Variants in RASL10B observed in about 807,000 individuals in gnomAD.
RASL10B encodes ras-like protein family member 10B.
A neutral mutation model predicts 20.7 loss-of-function variants in RASL10B; 10 were observed. The ratio of observed to expected loss-of-function variants is 0.48; its 90% CI spans 0.30 to 0.82. RASL10B has a LOEUF of 0.82. RASL10B is among the 40% of genes least tolerant of loss of function. RASL10B has a pLI of 0.07. For missense variants in RASL10B, 231 were observed against 295.4 expected (o/e 0.78, Z 1.60); for synonymous variants, 110 against 123.3 (o/e 0.89, Z 0.72).
intron 3 of RASL10B, 142 bp downstream of exon 3, chr17:35,740,675 C>T (rs587609822): frequency 1.9e-6 from 2 of 1,068,456 alleles, no homozygotes; most frequent in East Asian, 2.5e-5. Context: ...AACATGCATA[C>T]ATTGTGCTGT....
At position 35,741,071 on chromosome 17, in the gene RASL10B, G is replaced by C. The variant is rs781993857; in HGVS notation, c.378G>C (p.Val126=). The C allele has an allele frequency of 1.9e-5, 30 of 1,609,308 alleles. No individual in the cohort carries two copies. Among genetic ancestry groups the C allele is most frequent in the Non-Finnish European group, 2.4e-5 (28 of 1,176,740 alleles). The change falls in exon 4 of 4, where the codon GTG becomes GTC. Residue 126 remains valine, a synonymous_variant. Coordinates refer to ENST00000603017, the MANE Select transcript of RASL10B (RefSeq NM_033315.4). ...IGTSETPIII[V]GNKRDLQRGR... is the part of the protein sequence containing the mutation. ...CCTCAGAGACGCCCATCATCATCGT[G>C]GGCAACAAGCGGGACCTGCAGCGCG...
In RASL10B at chr17:35,741,302, G is replaced by A; in HGVS notation, c.609G>A (p.Met203Ile). 1 of 1,488,048 alleles carries A rather than the reference G, an allele frequency of 6.7e-7. No homozygotes were observed. Among genetic ancestry groups the A allele is most frequent in the African/African-American group, 1.4e-5 (1 of 70,288 alleles). 92.2% of individuals were successfully genotyped at this position (1,488,048 alleles called of 1,614,324 possible). Reference protein sequence around the residue: ...GALRRNRCAIM With the variant: ...GALRRNRCAII ...TGCGCCGCAACCGCTGCGCCATCAT[G>A]TGACGCCTGCGCGCCCCTCGGGCTG... The change falls in exon 4 of 4, where the codon ATG becomes ATA. Residue 203 changes from methionine to isoleucine, a missense_variant. Transcript: ENST00000603017.
At chr17:35,736,467 A>G (rs906009226) in intron 2 of RASL10B, among the ~76,000 whole-genome samples, 1 of 152,228 alleles carries the variant, frequency 6.6e-6, no homozygotes, top group African/African-American at 2.4e-5. Flanking sequence ...TCTGCCGGAG[A>G]CACCTGTTCA....
Position 35,740,333 on chromosome 17 carries a change from T to G in RASL10B, c.217-76T>G. On this transcript the variant is annotated intron_variant, in intron 2 of 3. Transcript: ENST00000603017. ...CAGTGGCAGGTGAGAGCACTGCCCC[T>G]CTGATGGGAGGTGTTTGGGGGCTAG... is the stretch of plus-strand genomic sequence containing the variant. 4 of 1,563,264 alleles carry G rather than the reference T, an allele frequency of 2.6e-6. No homozygotes were observed. In the South Asian group the frequency reaches 4.6e-5, roughly 18 times the overall value.
chr17:35,740,945 T>G, intron 3 of RASL10B, 90 bp from the exon 4 acceptor site: 3 of 1,063,450 alleles, frequency 2.8e-6, no homozygotes, highest in Non-Finnish European at 2.8e-6. Flanking sequence ...CCTACGGTGG[T>G]GGTAGTATTG....
Sources: allele counts gnomAD v4.1 joint callset (sites outside exome capture counted in the v4.1 genomes callset), GRCh38; gene constraint gnomAD v4.1.1; transcripts MANE v1.5; gene names NCBI Gene and HGNC (gene_info 2026-07-23, HGNC 2026-07-21).